Variants in DST observed in about 807,000 individuals in gnomAD.
The protein encoded by DST is bullous pemphigoid antigen.
DST carries 253 observed loss-of-function variants against 875.2 expected under a neutral mutation model. The observed-to-expected ratio is 0.29, with a 90% CI of 0.26 to 0.32. The LOEUF is 0.32. Ranked by LOEUF, DST falls within the 10% of genes least tolerant of loss-of-function variation. The pLI is 1.00. For missense variants in DST, 8,287 were observed against 9,111.6 expected, an observed-to-expected ratio of 0.91 and a Z score of 3.68; for synonymous variants, 3,124 against 3,197.1, an observed-to-expected ratio of 0.98 and a Z score of 0.77.
intron 5 of DST, among the ~76,000 whole-genome samples, chr6:56,726,065 A>T (rs1450496532): frequency 1.3e-5 from 2 of 152,202 alleles, no homozygotes. Flanking sequence ...ACACTTTTGG[A>T]AATACGCAAT....
At chr6:56,766,383 C>A (rs1303725917) in intron 4 of DST, among the ~76,000 whole-genome samples, 1 of 152,102 alleles carries the variant, frequency 6.6e-6, no homozygotes, top group East Asian at 1.9e-4. Context: ...AGGCTAGATG[C>A]CGAGATACAA....
In DST at chr6:56,699,661, G is replaced by T; in HGVS notation, c.1039C>A (p.His347Asn). ...AGAAAATTTGGGCTTACCTGAAAGT[G>T]CAAAATTATTGTCCAGATTAATCCC... ...TLGLIWTIIL[H>N]FQISDIHVTG... Residue 347 changes from histidine to asparagine, a missense_variant, in exon 9 of 104, where the codon CAC (histidine) becomes AAC (asparagine). Coordinates refer to ENST00000680361, the MANE Select transcript of DST (RefSeq NM_001374736.1). 6.6e-7 allele frequency: 1 copy of T among 1,520,252 alleles called. No individual in the cohort carries two copies. The highest frequency in any genetic ancestry group is 8.8e-7 in the Non-Finnish European group (1 of 1,134,126). The allele number at this position is 1,520,252 out of a possible 1,614,324, so 94.2% of individuals were successfully genotyped here.
chr6:56,618,117 T>C, intron 36 of DST: 1 of 1,614,204 alleles, frequency 6.2e-7, no homozygotes, highest in Non-Finnish European at 8.5e-7. Flanking sequence ...ATGGGGTTTG[T>C]CTCATCAAAA....
At chr6:56,624,249 A>G in intron 36 of DST, 1 of 591,092 alleles carries the variant, frequency 1.7e-6, no homozygotes, top group Non-Finnish European at 3.0e-6. Context: ...AAATTTCGTA[A>G]TTTATTTAAG....
chr6:56,618,985 A>T (rs779745842), intron 36 of DST: 1 of 1,614,102 alleles, frequency 6.2e-7, no homozygotes, highest in South Asian at 1.1e-5. Context: ...CCGCATTCAG[A>T]TTTCTAACTT....
chr6:56,646,709 T>C lies in DST; in HGVS notation c.1555-527A>G, dbSNP rs2098944943. ...AACAGATTTTTTGAACAAATGAAGGTAGATGCTATTAGTTGATGGGGCTAT... is the reference window on the plus strand; with the variant it reads ...AACAGATTTTTTGAACAAATGAAGGCAGATGCTATTAGTTGATGGGGCTAT... On this transcript the variant is annotated intron_variant, in intron 13 of 103. Transcript: ENST00000680361. Among the ~76,000 whole-genome samples the C allele has an allele frequency of 2.0e-5, 3 of 152,110 alleles. No individual in the cohort carries two copies. In the South Asian group the frequency reaches 6.2e-4, roughly 31 times the overall value.
intron 80 of DST, among the ~76,000 whole-genome samples, chr6:56,498,589 G>A (rs2096002331): frequency 6.6e-6 from 1 of 151,852 alleles, no homozygotes; most frequent in African/African-American, 2.4e-5. Flanking sequence ...TTCTCACTTG[G>A]TTCAAGCCAA....
At chr6:56,623,152 T>C (rs1316903705) in intron 36 of DST, among the ~76,000 whole-genome samples, 1 of 152,234 alleles carries the variant, frequency 6.6e-6, no homozygotes, top group Non-Finnish European at 1.5e-5. Context: ...TTAAGGACAA[T>C]AATAACTTGC....
intron 86 of DST, among the ~76,000 whole-genome samples, chr6:56,487,799 A>G (rs755331483): frequency 3.9e-5 from 6 of 152,330 alleles, no homozygotes; most frequent in Non-Finnish European, 8.8e-5. Context: ...TACTGAATAT[A>G]CAATAGCAGG....
chr6:56,573,163 C>T (rs571570671), intron 51 of DST, 99 bp from the exon 52 acceptor site: 18 of 1,048,736 alleles, frequency 1.7e-5, no homozygotes, highest in East Asian at 7.9e-5. Flanking sequence ...TAAGCTTGCA[C>T]AACCTGTGCC....
intron 4 of DST, among the ~76,000 whole-genome samples, chr6:56,840,929 C>T (rs1448184569): frequency 1.3e-5 from 2 of 152,152 alleles, no homozygotes; most frequent in Non-Finnish European, 2.9e-5. Flanking sequence ...TGATAATATT[C>T]TAGATGAATG....
intron 2 of DST, among the ~76,000 whole-genome samples, chr6:56,937,707 C>G (rs1813753270): frequency 6.6e-6 from 1 of 152,180 alleles, no homozygotes; most frequent in African/African-American, 2.4e-5. Context: ...AGCACATATT[C>G]ACAGCGGTGC....
At chr6:56,886,547 G>A (rs555383796) in intron 3 of DST, among the ~76,000 whole-genome samples, 10 of 152,170 alleles carry the variant, frequency 6.6e-5, no homozygotes, top group African/African-American at 1.4e-4. Flanking sequence ...AGGCCGAGGC[G>A]GGCAGATCAC....
chr6:56,938,843 A>T (rs59797084), intron 2 of DST, among the ~76,000 whole-genome samples: 9 of 152,118 alleles, frequency 5.9e-5, no homozygotes, highest in Admixed American at 3.9e-4. Flanking sequence ...GAGGAAAACC[A>T]TGAGTCAGCC....
At chr6:56,823,559 C>A (rs533956544) in intron 4 of DST, among the ~76,000 whole-genome samples, 1 of 152,004 alleles carries the variant, frequency 6.6e-6, no homozygotes, top group South Asian at 2.1e-4. Context: ...TACAGGTGCA[C>A]GCCACCACAC....
intron 33 of DST, 55 bp from the exon 34 acceptor site, chr6:56,627,342 A>G: frequency 8.2e-7 from 1 of 1,222,978 alleles, no homozygotes; most frequent in African/African-American, 1.5e-5. Flanking sequence ...CTATTCTACT[A>G]CATAAGATGC....
At chr6:56,591,606 GA>G (rs2098273517) in intron 49 of DST, among the ~76,000 whole-genome samples, 1 of 152,090 alleles carries the variant, frequency 6.6e-6, no homozygotes, top group Non-Finnish European at 1.5e-5. Flanking sequence ...AAGTGGCCAG[GA>G]AAATACTGAG....
At position 56,515,698 on chromosome 6, in the gene DST, T is replaced by C. The variant is rs755621572; in HGVS notation, c.18358-30A>G. The C allele has an allele frequency of 3.2e-6, 5 of 1,539,906 alleles. No individual in the cohort carries two copies. The South Asian group carries it at 4.8e-5, about 15-fold the overall frequency. On this transcript the variant is annotated intron_variant, in intron 71 of 103. Transcript: ENST00000680361. ...AAAATAAAAGGATGAAATGTTTAACTGGTCAGGCCAACGAGCACACACACT... is the reference window on the plus strand; with the variant it reads ...AAAATAAAAGGATGAAATGTTTAACCGGTCAGGCCAACGAGCACACACACT...
At chr6:56,785,443 C>A (rs1044876273) in intron 4 of DST, among the ~76,000 whole-genome samples, 2 of 152,138 alleles carry the variant, frequency 1.3e-5, no homozygotes, top group Admixed American at 1.3e-4. Flanking sequence ...GCCTCGCTGC[C>A]GCCTTGCAGT....
Sources: allele counts gnomAD v4.1 joint callset (sites outside exome capture counted in the v4.1 genomes callset), GRCh38; gene constraint gnomAD v4.1.1; transcripts MANE v1.5; gene names NCBI Gene and HGNC (gene_info 2026-07-23, HGNC 2026-07-21).